The following KANK1 variants were observed in gnomAD, a reference collection of about 807,000 sequenced individuals.
The protein encoded by KANK1 is KN motif and ankyrin repeat domain-containing protein 1.
In KANK1, 109 loss-of-function variants were observed where a neutral mutation model predicts 106.2. That is an observed-to-expected ratio of 1.03 (90% CI 0.88 to 1.20). KANK1 has a LOEUF of 1.20. Among genes scored for constraint, KANK1 ranks in the 50% most tolerant of loss-of-function variants. The pLI is 0.00. For synonymous variants in KANK1, 873 were observed against 652.2 expected (o/e 1.34, Z -5.16); for missense variants, 2,399 against 1,710.7 (o/e 1.40, Z -7.10).
intron 7 of KANK1, among the ~76,000 whole-genome samples, chr9:737,315 T>C (rs1834052423): frequency 6.6e-6 from 1 of 152,224 alleles, no homozygotes; most frequent in Non-Finnish European, 1.5e-5. Context: ...AGATGGAAGC[T>C]CTATAATCCC....
intron 1 of KANK1, among the ~76,000 whole-genome samples, chr9:631,145 A>C (rs758473827): frequency 6.6e-6 from 1 of 152,232 alleles, no homozygotes; most frequent in Non-Finnish European, 1.5e-5. Context: ...GCATTGTACC[A>C]CAAATATTTC....
At chr9:640,322 A>G (rs1588487375) in intron 1 of KANK1, among the ~76,000 whole-genome samples, 1 of 148,576 alleles carries the variant, frequency 6.7e-6, no homozygotes, top group African/African-American at 2.5e-5. Context: ...TGCAGCCTCC[A>G]CCTCCTGGGT....
chr9:547,804 A>G (rs2133998479), intron 1 of KANK1, among the ~76,000 whole-genome samples: 1 of 152,352 alleles, frequency 6.6e-6, no homozygotes, highest in East Asian at 1.9e-4. Flanking sequence ...TCTGCAGTGG[A>G]CTAGCCCATG....
Position 734,746 on chromosome 9 carries a change from A to G in KANK1, c.3246-2A>G. ...ATCGTAACTTGTTTTTTCTCCTTTC[A>G]GGTATGAATTAAGTGAAAAGATGTT... On this transcript the variant is annotated splice_acceptor_variant, in intron 6 of 11. Transcript: ENST00000382297. LOFTEE classifies it high-confidence loss of function. The G allele has an allele frequency of 6.3e-7, 1 of 1,591,682 alleles. No individual in the cohort carries two copies. The highest frequency in any genetic ancestry group is 8.6e-7 in the Non-Finnish European group (1 of 1,159,916).
At chr9:518,257 A>G (rs2059381718) in intron 1 of KANK1, among the ~76,000 whole-genome samples, 1 of 151,782 alleles carries the variant, frequency 6.6e-6, no homozygotes, top group Non-Finnish European at 1.5e-5. Context: ...TGACCAGATA[A>G]CTGTGCTTAC....
chr9:628,728 G>A (rs141420215), intron 1 of KANK1, among the ~76,000 whole-genome samples: 243 of 152,190 alleles, frequency 1.6e-3, no homozygotes, highest in Middle Eastern at 3.4e-3. Context: ...CTGCATGGCG[G>A]GTTTCTTTGT....
At chr9:725,461 C>T (rs968397037) in intron 3 of KANK1, among the ~76,000 whole-genome samples, 2 of 145,102 alleles carry the variant, frequency 1.4e-5, no homozygotes, top group African/African-American at 5.1e-5. Flanking sequence ...CCACAGCCCT[C>T]ACTCCAGCCT....
At chr9:597,771 C>A (rs1030720494) in intron 1 of KANK1, among the ~76,000 whole-genome samples, 1 of 151,546 alleles carries the variant, frequency 6.6e-6, no homozygotes, top group African/African-American at 2.4e-5. Context: ...TCAAGTGATT[C>A]TCCTGCCTCA....
Position 670,949 on chromosome 9 carries a change from G to GTTTTTTGTTTTT in KANK1, c.-83-5935_-83-5934insGTTTTTTTTTTT, listed in dbSNP as rs1845739347. Among the ~76,000 whole-genome samples the GTTTTTTGTTTTT allele has an allele frequency of 2.9e-5, 3 of 103,044 alleles. 1 individual carries two copies. Among genetic ancestry groups the GTTTTTTGTTTTT allele is most frequent in the African/African-American group, 9.9e-5 (3 of 30,342 alleles). The allele number at this position is 103,044 out of a possible 152,430, so 67.6% of individuals were successfully genotyped here. ...TCTGATTCTCTTACTGTCTGCTGGAGTTTTTTTTTTTTTTTTTTTTTTTTT... is the reference window on the plus strand; with the variant it reads ...TCTGATTCTCTTACTGTCTGCTGGAGTTTTTTGTTTTTTTTTTTTTTTTTTTTTTTTTTTTTT... On this transcript the variant is annotated intron_variant, in intron 1 of 11. Coordinates refer to ENST00000382297, the MANE Select transcript of KANK1 (RefSeq NM_015158.5).
intron 1 of KANK1, among the ~76,000 whole-genome samples, chr9:512,665 G>C (rs975962056): frequency 1.1e-4 from 17 of 152,014 alleles, no homozygotes; most frequent in African/African-American, 4.1e-4. Flanking sequence ...CAAACTATTG[G>C]TTGTAGCACA....
intron 1 of KANK1, among the ~76,000 whole-genome samples, chr9:522,209 T>G (rs2059585146): frequency 6.6e-6 from 1 of 151,902 alleles, no homozygotes; most frequent in South Asian, 2.1e-4. Flanking sequence ...TTTACGATTC[T>G]GTTTTCCCTT....
At chr9:670,906 G>A (rs1449289942) in intron 1 of KANK1, among the ~76,000 whole-genome samples, 3 of 150,704 alleles carry the variant, frequency 2.0e-5, no homozygotes, top group Admixed American at 2.0e-4. Flanking sequence ...TGGGGGAAGG[G>A]TGTCACAGAT....
At chr9:592,382 C>T (rs1281617473) in intron 1 of KANK1, among the ~76,000 whole-genome samples, 1 of 151,882 alleles carries the variant, frequency 6.6e-6, no homozygotes, top group Non-Finnish European at 1.5e-5. Context: ...AGTGTGTTGA[C>T]TCAAAGACTT....
intron 1 of KANK1, among the ~76,000 whole-genome samples, chr9:613,987 G>A (rs1253291469): frequency 1.3e-5 from 2 of 152,150 alleles, no homozygotes; most frequent in Admixed American, 6.5e-5. Context: ...ATTTGAGGCC[G>A]GGAAGAAGGC....
intron 1 of KANK1, among the ~76,000 whole-genome samples, chr9:604,838 G>C (rs887131446): frequency 8.6e-5 from 13 of 151,584 alleles, no homozygotes; most frequent in Admixed American, 5.9e-4. Context: ...AAAAAATAAT[G>C]ATAATAGTAA....
chr9:528,017 C>G (rs534700982), intron 1 of KANK1, among the ~76,000 whole-genome samples: 17 of 151,812 alleles, frequency 1.1e-4, no homozygotes, highest in African/African-American at 4.1e-4. Context: ...TGTATAGTCC[C>G]AGCTACTCGG....
At chr9:642,191 T>A (rs914116473) in intron 1 of KANK1, among the ~76,000 whole-genome samples, 1 of 143,358 alleles carries the variant, frequency 7.0e-6, no homozygotes, top group Non-Finnish European at 1.5e-5. Flanking sequence ...TTAACCTCTT[T>A]CCTCATTGTG....
chr9:701,586 C>G (rs1486336414), intron 2 of KANK1, among the ~76,000 whole-genome samples: 3 of 152,152 alleles, frequency 2.0e-5, no homozygotes, highest in African/African-American at 7.2e-5. Context: ...GCTCTGGCCT[C>G]TACACACTAG....
intron 1 of KANK1, among the ~76,000 whole-genome samples, chr9:522,027 G>C (rs2059576713): frequency 1.3e-5 from 2 of 151,636 alleles, no homozygotes; most frequent in African/African-American, 4.9e-5. Flanking sequence ...AGTTGCTGTA[G>C]GCCTTGGTAT....
Sources: gnomAD v4.1 joint callset for allele counts (sites outside exome capture counted in the v4.1 genomes callset) on GRCh38, gnomAD v4.1.1 for gene constraint, MANE v1.5 for transcripts, NCBI Gene and HGNC (gene_info 2026-07-23, HGNC 2026-07-21) for gene names.